Variants in SAXO1 observed in about 807,000 individuals in gnomAD.
SAXO1 encodes the protein stabilizer of axonemal microtubules 1.
In SAXO1, 21 loss-of-function variants were observed where a neutral mutation model predicts 17.5. The ratio of observed to expected loss-of-function variants is 1.20; its 90% confidence interval spans 0.85 to 1.72. The LOEUF is 1.72. SAXO1 is among the 40% of genes most tolerant of loss of function. The probability of loss-of-function intolerance (pLI) is 0.00; values close to 1 mark genes in which losing one functional copy is unlikely to be tolerated. For missense variants in SAXO1, 843 were observed against 596.0 expected, an observed-to-expected ratio of 1.41 and a Z score of -4.32; for synonymous variants, 274 against 216.5, an observed-to-expected ratio of 1.27 and a Z score of -2.33.
At chr9:18,960,245 A>G (rs949443003) in intron 1 of SAXO1, among the ~76,000 whole-genome samples, 2 of 152,186 alleles carry the variant, frequency 1.3e-5, no homozygotes, top group African/African-American at 4.8e-5. Context: ...GGATTTTGCC[A>G]ATGGCCTCAT....
intron 1 of SAXO1, among the ~76,000 whole-genome samples, chr9:18,968,675 C>G (rs1832828584): frequency 1.3e-5 from 2 of 151,640 alleles, no homozygotes; most frequent in Admixed American, 1.3e-4. Flanking sequence ...CTCACTGCAA[C>G]CTCCGCCTCT....
intron 1 of SAXO1, among the ~76,000 whole-genome samples, chr9:18,952,896 G>T (rs1048918082): frequency 6.6e-6 from 1 of 152,092 alleles, no homozygotes; most frequent in African/African-American, 2.4e-5. Flanking sequence ...TCTCCTAATT[G>T]TTGGCAAATA....
intron 1 of SAXO1, among the ~76,000 whole-genome samples, chr9:18,990,609 G>A (rs376833264): frequency 4.0e-4 from 61 of 152,232 alleles, no homozygotes; most frequent in African/African-American, 1.2e-3. Context: ...GACCAGTACC[G>A]ATCCGTAGCC....
chr9:18,984,809 T>G (rs1186907020), intron 1 of SAXO1, among the ~76,000 whole-genome samples: 1 of 152,190 alleles, frequency 6.6e-6, no homozygotes, highest in Non-Finnish European at 1.5e-5. Context: ...TTGAATTTCT[T>G]TCAAGAACTT....
chr9:19,011,609 G>C (rs931581031), intron 1 of SAXO1, among the ~76,000 whole-genome samples: 26 of 152,182 alleles, frequency 1.7e-4, no homozygotes, highest in African/African-American at 6.3e-4. Context: ...ACTAGGATTT[G>C]GATAGATGGG....
At chr9:18,937,283 T>A (rs1191901194) in intron 3 of SAXO1, among the ~76,000 whole-genome samples, 1 of 152,142 alleles carries the variant, frequency 6.6e-6, no homozygotes, top group Non-Finnish European at 1.5e-5. Context: ...ACCCACAGGG[T>A]AATAGCCTGG....
At chr9:19,004,476 T>G (rs1369712040) in intron 1 of SAXO1, among the ~76,000 whole-genome samples, 1 of 152,136 alleles carries the variant, frequency 6.6e-6, no homozygotes, top group Admixed American at 6.6e-5. Flanking sequence ...CAAATGTCCA[T>G]CAATAATAGA....
chr9:18,930,577 G>T (rs190549872), intron 3 of SAXO1, among the ~76,000 whole-genome samples: 28 of 151,380 alleles, frequency 1.8e-4, no homozygotes, highest in African/African-American at 6.8e-4. Context: ...TCAGCTCACC[G>T]CAACCTCCAC....
At chr9:18,986,001 C>A (rs1563962781) in intron 1 of SAXO1, among the ~76,000 whole-genome samples, 1 of 152,198 alleles carries the variant, frequency 6.6e-6, no homozygotes, top group Admixed American at 6.5e-5. Context: ...AATCAAAGCA[C>A]AATTAGACCA....
At chr9:18,964,051 CTGTGTA>C (rs1832613046) in intron 1 of SAXO1, among the ~76,000 whole-genome samples, 1 of 152,094 alleles carries the variant, frequency 6.6e-6, no homozygotes, top group East Asian at 1.9e-4. Context: ...GTCATTGGTT[CTGTGTA>C]TGTGATGGAT....
intron 1 of SAXO1, among the ~76,000 whole-genome samples, chr9:18,987,772 C>G (rs1833655263): frequency 6.6e-6 from 1 of 152,018 alleles, no homozygotes; most frequent in African/African-American, 2.4e-5. Context: ...TGGCACATGC[C>G]TGTAGTCCCA....
At chr9:18,945,856 C>T (rs1440248847) in intron 2 of SAXO1, among the ~76,000 whole-genome samples, 1 of 152,202 alleles carries the variant, frequency 6.6e-6, no homozygotes, top group African/African-American at 2.4e-5. Flanking sequence ...TGTGAGGCTT[C>T]ATTGCTTAAT....
intron 1 of SAXO1, among the ~76,000 whole-genome samples, chr9:18,960,497 G>A (rs1832439848): frequency 6.6e-6 from 1 of 152,162 alleles, no homozygotes. Context: ...CCATATTCAT[G>A]TTACTCTTCC....
intron 1 of SAXO1, among the ~76,000 whole-genome samples, chr9:18,979,973 C>A (rs577852573): frequency 2.7e-4 from 41 of 152,234 alleles, no homozygotes; most frequent in African/African-American, 9.6e-4. Flanking sequence ...GACTTAGTGA[C>A]AGACTGTACT....
At chr9:18,986,643 G>T (rs541659544) in intron 1 of SAXO1, among the ~76,000 whole-genome samples, 2 of 151,902 alleles carry the variant, frequency 1.3e-5, no homozygotes, top group Non-Finnish European at 2.9e-5. Context: ...CCTCATCATC[G>T]TGTCTACAAA....
chr9:18,965,358 T>C (rs939382834), intron 1 of SAXO1, among the ~76,000 whole-genome samples: 13 of 152,200 alleles, frequency 8.5e-5, no homozygotes, highest in Admixed American at 7.2e-4. Flanking sequence ...GGTGTTAAAG[T>C]CTTCCACTAT....
At chr9:18,953,204 C>A (rs1832109183) in intron 1 of SAXO1, among the ~76,000 whole-genome samples, 1 of 152,194 alleles carries the variant, frequency 6.6e-6, no homozygotes, top group Non-Finnish European at 1.5e-5. Flanking sequence ...TTCAGGATAA[C>A]TTAGTTTCAG....
intron 1 of SAXO1, among the ~76,000 whole-genome samples, chr9:18,995,172 T>G (rs1003961707): frequency 6.6e-6 from 1 of 152,208 alleles, no homozygotes; most frequent in Non-Finnish European, 1.5e-5. Context: ...CTTTGGGGAT[T>G]TGTAATTATT....
At chr9:18,982,732 G>A (rs1184993856) in intron 1 of SAXO1, among the ~76,000 whole-genome samples, 1 of 152,196 alleles carries the variant, frequency 6.6e-6, no homozygotes, top group Non-Finnish European at 1.5e-5. Flanking sequence ...AGAGATGTCT[G>A]CTTTTGAACA....
Sources: gnomAD v4.1 joint callset for allele counts (sites outside exome capture counted in the v4.1 genomes callset) on GRCh38, gnomAD v4.1.1 for gene constraint, MANE v1.5 for transcripts, NCBI Gene and HGNC (gene_info 2026-07-23, HGNC 2026-07-21) for gene names.